Variants in SPTAN1 observed in about 807,000 individuals in gnomAD.
SPTAN1 encodes the protein spectrin alpha, non-erythrocytic 1.
A neutral mutation model predicts 331.3 loss-of-function variants in SPTAN1; 61 were observed. That is an observed-to-expected ratio of 0.18 (90% CI 0.15 to 0.23). The LOEUF (loss-of-function observed/expected upper bound fraction) is 0.23, where lower values mean the gene tolerates loss of function less well. Ranked by LOEUF, SPTAN1 falls within the 10% of genes least tolerant of loss-of-function variation. SPTAN1 has a pLI of 1.00. For missense variants in SPTAN1, 2,043 were observed against 3,147.9 expected, an observed-to-expected ratio of 0.65 and a Z score of 8.40; for synonymous variants, 1,153 against 1,173.9, an observed-to-expected ratio of 0.98 and a Z score of 0.36.
At chr9:128,588,334 G>A (rs962863624) in intron 20 of SPTAN1, among the ~76,000 whole-genome samples, 6 of 117,410 alleles carry the variant, frequency 5.1e-5, no homozygotes, top group African/African-American at 1.7e-4. Context: ...TTTTTGAGAT[G>A]GAGTTTCACT....
intron 3 of SPTAN1, among the ~76,000 whole-genome samples, chr9:128,572,557 G>A (rs1161162724): frequency 1.3e-5 from 2 of 152,208 alleles, no homozygotes; most frequent in African/African-American, 4.8e-5. Context: ...GTCTTCTGTG[G>A]CCTCATTTTT....
In SPTAN1 at chr9:128,632,963, C is replaced by T. The variant is rs1464861602; in HGVS notation, c.7308+8C>T. On this transcript the variant is annotated splice_region_variant and intron_variant, in intron 56 of 56. Coordinates refer to ENST00000372739, the MANE Select transcript of SPTAN1 (RefSeq NM_001130438.3). ...AAGGAGGAGCTCTACCAGGTATGGG[C>T]CTCAGGAGGTGGGTGAAGAGGTGTC... 6.2e-7 allele frequency: 1 copy of T among 1,611,078 alleles called. No individual in the cohort carries two copies.
chr9:128,626,305 AG>A (rs1858726979), intron 48 of SPTAN1, 85 bp from the exon 49 acceptor site: 1 of 1,533,412 alleles, frequency 6.5e-7, no homozygotes, highest in Non-Finnish European at 8.9e-7. Flanking sequence ...TCTGATTCCC[AG>A]GAACCACCCC....
chr9:128,599,020 A>G lies in SPTAN1; in HGVS notation c.3543+34A>G, dbSNP rs746956582. The stretch of plus-strand genomic sequence containing the variant: ...CGGGTGCTGTGTGTGGATCTTGAAC[A>G]TGAGAAGGACTTAAATCTTGGGAAG... On this transcript the variant is annotated intron_variant, in intron 26 of 56. Coordinates refer to ENST00000372739, the MANE Select transcript of SPTAN1 (RefSeq NM_001130438.3). The G allele has an allele frequency of 2.2e-5, 35 of 1,607,406 alleles. No homozygotes were observed. The African/African-American group carries it at 3.1e-4, about 14-fold the overall frequency.
chr9:128,589,807 C>G (rs1195007985), intron 21 of SPTAN1, among the ~76,000 whole-genome samples: 1 of 151,890 alleles, frequency 6.6e-6, no homozygotes, highest in African/African-American at 2.4e-5. Context: ...GATCTCCTGA[C>G]CTCGTGATCC....
intron 37 of SPTAN1, among the ~76,000 whole-genome samples, chr9:128,610,144 T>C (rs559172835): frequency 2.0e-5 from 3 of 152,288 alleles, no homozygotes; most frequent in South Asian, 4.1e-4. Context: ...GCTAGAGAAC[T>C]GTAGAGAGAC....
At chr9:128,592,646 C>G (rs1337736079) in intron 22 of SPTAN1, among the ~76,000 whole-genome samples, 1 of 152,224 alleles carries the variant, frequency 6.6e-6, no homozygotes, top group East Asian at 1.9e-4. Context: ...GCTAAATTGC[C>G]TGTTAGCACT....
chr9:128,604,924 C>T, intron 29 of SPTAN1, 110 bp from the exon 30 acceptor site: 2 of 1,180,334 alleles, frequency 1.7e-6, no homozygotes, highest in Non-Finnish European at 2.3e-6. Flanking sequence ...AAGAATGAAA[C>T]TCCATCTCAG....
intron 5 of SPTAN1, among the ~76,000 whole-genome samples, chr9:128,575,693 T>A (rs1440664602): frequency 6.6e-6 from 1 of 152,160 alleles, no homozygotes; most frequent in Non-Finnish European, 1.5e-5. Flanking sequence ...TTGGCAGATG[T>A]CCACCAATGC....
intron 5 of SPTAN1, among the ~76,000 whole-genome samples, chr9:128,575,780 A>G (rs970734363): frequency 6.6e-6 from 1 of 152,152 alleles, no homozygotes; most frequent in Non-Finnish European, 1.5e-5. Flanking sequence ...CTTGTCGTGA[A>G]TAGGCTCTCC....
At chr9:128,574,534 C>G in intron 3 of SPTAN1, 141 bp from the exon 4 acceptor site, 1 of 1,017,876 alleles carries the variant, frequency 9.8e-7, no homozygotes, top group African/African-American at 1.6e-5. Context: ...TTTACTATTT[C>G]CTCTCAGTTT....
chr9:128,595,925 C>G (rs531644861), intron 24 of SPTAN1: 2 of 152,286 alleles, frequency 1.3e-5, no homozygotes, highest in African/African-American at 4.8e-5. Context: ...CTTACTGCAG[C>G]CTCCGCTTCC....
At chr9:128,617,394 A>G (rs759733391) in intron 41 of SPTAN1, among the ~76,000 whole-genome samples, 8 of 152,280 alleles carry the variant, frequency 5.3e-5, no homozygotes, top group South Asian at 2.1e-4. Flanking sequence ...GATGCCTCCC[A>G]TCCTCCAGTG....
chr9:128,624,178 C>A (rs987154748), intron 45 of SPTAN1, 150 bp from the exon 46 acceptor site: 3 of 698,098 alleles, frequency 4.3e-6, no homozygotes, highest in East Asian at 3.4e-5. Flanking sequence ...ATTGCTCTTA[C>A]AAAAGCCTTA....
chr9:128,615,257 C>G (rs913225053), intron 40 of SPTAN1, among the ~76,000 whole-genome samples: 12 of 152,078 alleles, frequency 7.9e-5, no homozygotes, highest in African/African-American at 2.9e-4. Context: ...AATGGCTACT[C>G]AGTAAAATTA....
chr9:128,607,984 C>G lies in SPTAN1; in HGVS notation c.4279C>G (p.Arg1427Gly). ...GAAACTTGATATTCTTGACCAGGAG[C>G]GTGCAGACCTGGAGAAGGCCTGGGT... ...KQKLDILDQE[R>G]ADLEKAWVQR... The change falls in exon 33 of 57, where the codon CGT (arginine) becomes GGT (glycine). Residue 1427 changes from arginine (R) to glycine (G), a missense_variant. By Grantham distance (125) the Arg-to-Gly change is moderately radical. Coordinates refer to ENST00000372739, the MANE Select transcript of SPTAN1 (RefSeq NM_001130438.3). The G allele has an allele frequency of 6.2e-7, 1 of 1,614,112 alleles. No homozygotes were observed. The highest frequency in any genetic ancestry group is 8.5e-7 in the Non-Finnish European group (1 of 1,180,024).
chr9:128,598,877 G>A, intron 25 of SPTAN1, 86 bp from the exon 26 acceptor site: 1 of 1,219,920 alleles, frequency 8.2e-7, no homozygotes, highest in South Asian at 1.2e-5. Flanking sequence ...ATTATCTCCT[G>A]TGTTTCCAGG....
chr9:128,632,090 G>GC (rs748379097), intron 52 of SPTAN1, 37 bp from the exon 53 acceptor site: 1 of 1,605,458 alleles, frequency 6.2e-7, no homozygotes, highest in African/African-American at 1.3e-5. Flanking sequence ...TGAGCTGAGG[G>GC]CCCCCGTCTG....
In SPTAN1 at chr9:128,568,909, T is replaced by A. The variant is rs1313974056; in HGVS notation, c.363+12T>A. On this transcript the variant is annotated intron_variant, in intron 3 of 56. Coordinates refer to ENST00000372739, the MANE Select transcript of SPTAN1 (RefSeq NM_001130438.3). Reference sequence around the variant, plus strand: ...CTGAAACCATACGGGTGAGTATGAGTAGCTCGTGGAGTGGATGGCTTCATC... The same window carrying A: ...CTGAAACCATACGGGTGAGTATGAGAAGCTCGTGGAGTGGATGGCTTCATC... 1 of 1,613,856 alleles carries A rather than the reference T, an allele frequency of 6.2e-7. No homozygotes were observed. Among genetic ancestry groups the A allele is most frequent in the Non-Finnish European group, 8.5e-7 (1 of 1,179,860 alleles).
Sources: gnomAD v4.1 joint callset for allele counts (sites outside exome capture counted in the v4.1 genomes callset) on GRCh38, gnomAD v4.1.1 for gene constraint, MANE v1.5 for transcripts, NCBI Gene and HGNC (gene_info 2026-07-23, HGNC 2026-07-21) for gene names.